Variants in DNAH3 observed in about 807,000 individuals in gnomAD.
DNAH3 encodes axonemal beta dynein heavy chain 3.
A neutral mutation model predicts 432.5 loss-of-function variants in DNAH3; 332 were observed. That is an observed-to-expected ratio of 0.77 (90% CI 0.70 to 0.84). DNAH3 has a LOEUF of 0.84. DNAH3 is among the 40% of genes least tolerant of loss of function. The pLI is 0.00. For missense variants in DNAH3, 4,861 were observed against 5,114.0 expected (o/e 0.95, Z 1.51); for synonymous variants, 1,956 against 1,900.2 (o/e 1.03, Z -0.76).
chr16:21,054,195 C>T (rs1488861061), intron 28 of DNAH3, among the ~76,000 whole-genome samples: 5 of 152,164 alleles, frequency 3.3e-5, no homozygotes, highest in Non-Finnish European at 4.4e-5. Context: ...TGTCTCAGTA[C>T]AAGCCCTGCT....
chr16:21,111,862 C>G, intron 13 of DNAH3, 58 bp from the exon 14 acceptor site: 1 of 1,590,142 alleles, frequency 6.3e-7, no homozygotes, highest in Non-Finnish European at 8.6e-7. Flanking sequence ...CCCACTTGCC[C>G]CCAGCCTAAC....
At position 21,062,686 on chromosome 16, in the gene DNAH3, A is replaced by G. The variant is rs367866351; in HGVS notation, c.3519-3T>C. On this transcript the variant is annotated splice_region_variant and splice_polypyrimidine_tract_variant and intron_variant, in intron 24 of 61. Transcript: ENST00000261383. Reference sequence around the variant, plus strand: ...CATCGTTTGATAGGAAGAAGAATCTATTTCAAAGCAAAGAAAGATGGTAAC... The same window carrying G: ...CATCGTTTGATAGGAAGAAGAATCTGTTTCAAAGCAAAGAAAGATGGTAAC... The G allele has an allele frequency of 2.6e-5, 41 of 1,607,374 alleles. No homozygotes were observed. In the African/African-American group the frequency reaches 5.1e-4, roughly 20 times the overall value.
exon 2 of DNAH3, chr16:21,146,037 C>G (rs766426438): frequency 6.2e-7 from 1 of 1,613,854 alleles, no homozygotes; most frequent in Admixed American, 1.7e-5. Context: ...GGAGGCAGCT[C>G]TGGCTGCCCC....
At chr16:21,069,638 CT>C in intron 22 of DNAH3, 44 bp from the exon 23 acceptor site, 1 of 1,543,236 alleles carries the variant, frequency 6.5e-7, no homozygotes, top group Non-Finnish European at 8.9e-7. Flanking sequence ...ACCTGCCACT[CT>C]GCATCACAGG....
chr16:21,094,239 T>C (rs146011190), intron 18 of DNAH3, among the ~76,000 whole-genome samples: 207 of 152,146 alleles, frequency 1.4e-3, no homozygotes, highest in African/African-American at 4.5e-3. Context: ...GGTAAAAGAC[T>C]TGAACAGACA....
At chr16:21,145,281 C>T (rs1278750595) in exon 3 of DNAH3, 5 of 1,614,056 alleles carry the variant, frequency 3.1e-6, no homozygotes, top group Non-Finnish European at 3.4e-6. Context: ...CCTGGGCCAT[C>T]AAGGAGTAGT....
exon 8 of DNAH3, chr16:21,127,702 T>C: frequency 2.5e-6 from 4 of 1,614,134 alleles, no homozygotes; most frequent in Non-Finnish European, 3.4e-6. Context: ...GAGAAGAGTC[T>C]GGTGTGCCTC....
intron 21 of DNAH3, among the ~76,000 whole-genome samples, chr16:21,074,180 C>T (rs2090894723): frequency 6.6e-6 from 1 of 152,106 alleles, no homozygotes; most frequent in African/African-American, 2.4e-5. Context: ...TCAAGACACT[C>T]CAACCATTTA....
chr16:20,972,753 T>C (rs1597011197), intron 51 of DNAH3, among the ~76,000 whole-genome samples: 1 of 147,876 alleles, frequency 6.8e-6, no homozygotes, highest in East Asian at 2.0e-4. Flanking sequence ...TTTTTTTTTT[T>C]TTTTTTTTTT....
chr16:21,039,214 C>CTTTTTTTTTTT (rs200708542), intron 33 of DNAH3, among the ~76,000 whole-genome samples: 2 of 125,984 alleles, frequency 1.6e-5, no homozygotes, highest in African/African-American at 3.2e-5. Flanking sequence ...TATAGTGTTG[C>CTTTTTTTTTTT]TTTTTTTTTT....
At chr16:21,042,096 T>C (rs373201484) in exon 32 of DNAH3, 190 of 1,613,764 alleles carry the variant, frequency 1.2e-4, no homozygotes, top group Non-Finnish European at 1.6e-4. Context: ...CAGCGCAGGT[T>C]GGGTTCAGAG....
At chr16:21,138,827 C>A (rs1443966894) in intron 5 of DNAH3, among the ~76,000 whole-genome samples, 8 of 130,880 alleles carry the variant, frequency 6.1e-5, no homozygotes, top group Non-Finnish European at 8.2e-5. Context: ...AAAAAAACAA[C>A]ACAGAGACTT....
At chr16:21,013,674 G>A (rs556738012) in intron 41 of DNAH3, among the ~76,000 whole-genome samples, 7 of 143,822 alleles carry the variant, frequency 4.9e-5, no homozygotes, top group East Asian at 2.0e-4. Flanking sequence ...AGCCAAGATC[G>A]TGCCATTGCA....
At position 20,952,425 on chromosome 16, in the gene DNAH3, G is replaced by A. The variant is rs375343796; in HGVS notation, c.11188+8C>T. ...GGTTTACAGTGGAAAAACTCCTCCCGTAAATACCTGTCAGGTAGGTCAGAG... is the reference window on the plus strand; with the variant it reads ...GGTTTACAGTGGAAAAACTCCTCCCATAAATACCTGTCAGGTAGGTCAGAG... On this transcript the variant is annotated splice_region_variant and intron_variant, in intron 56 of 61. Coordinates refer to ENST00000261383, the Ensembl canonical transcript of DNAH3. 7.4e-5 allele frequency: 116 copies of A among 1,569,128 alleles called. 1 individual carries two copies. The highest frequency in any genetic ancestry group is 1.2e-4 in the Admixed American group (7 of 59,874).
rs768875350 is a variant in DNAH3, at chr16:21,134,488, A to G, written c.887-34T>C. ...GGAAAGGGCGAACACCTCATTATTA[A>G]GCTCTAAGGGTTGTGCTCTTAGCTT... On this transcript the variant is annotated intron_variant, in intron 6 of 61. Transcript: ENST00000261383. 1.1e-5 allele frequency: 17 copies of G among 1,592,586 alleles called. No homozygotes were observed. The Admixed American group carries it at 1.5e-4, about 14-fold the overall frequency.
intron 18 of DNAH3, among the ~76,000 whole-genome samples, chr16:21,088,286 C>T (rs1190185666): frequency 1.3e-5 from 2 of 152,210 alleles, no homozygotes; most frequent in African/African-American, 2.4e-5. Context: ...AAGTGAGTAG[C>T]CTGTACTTGG....
At chr16:21,000,273 C>T (rs2152690395) in exon 43 of DNAH3, 3 of 1,614,150 alleles carry the variant, frequency 1.9e-6, no homozygotes, top group East Asian at 2.2e-5. Context: ...AAAGGCCCTT[C>T]CGTCGTCGAT....
At chr16:21,053,799 T>A (rs1302263064) in intron 28 of DNAH3, among the ~76,000 whole-genome samples, 1 of 151,784 alleles carries the variant, frequency 6.6e-6, no homozygotes, top group African/African-American at 2.4e-5. Flanking sequence ...GTGGGGGTGG[T>A]TTGTTTTATA....
chr16:21,064,250 TACAGGATAA>T (rs2090462617), intron 24 of DNAH3, among the ~76,000 whole-genome samples: 1 of 152,194 alleles, frequency 6.6e-6, no homozygotes, highest in Admixed American at 6.5e-5. Context: ...GCTAGTCTTC[TACAGGATAA>T]AAGACATGTG....
Sources: gnomAD v4.1 joint callset for allele counts (sites outside exome capture counted in the v4.1 genomes callset) on GRCh38, gnomAD v4.1.1 for gene constraint, MANE v1.5 for transcripts, NCBI Gene and HGNC (gene_info 2026-07-23, HGNC 2026-07-21) for gene names.